RPS6KA6: variants seen among roughly 807,000 people sequenced by gnomAD.
RPS6KA6 encodes the protein ribosomal protein S6 kinase alpha-6.
In RPS6KA6, 27 loss-of-function variants were observed where a neutral mutation model predicts 65.4. The ratio of observed to expected loss-of-function variants is 0.41; its 90% CI spans 0.30 to 0.57. RPS6KA6 has a LOEUF of 0.57. Ranked by LOEUF, RPS6KA6 falls within the 20% of genes least tolerant of loss-of-function variation. The pLI, the probability that RPS6KA6 is intolerant of heterozygous loss-of-function variation, is 0.24. For synonymous variants in RPS6KA6, 190 were observed against 184.2 expected (o/e 1.03, Z -0.26); for missense variants, 486 against 555.6 (o/e 0.87, Z 1.26).
intron 18 of RPS6KA6, among the ~76,000 whole-genome samples, chrX:84,100,828 T>C (rs755538273): frequency 1.8e-5 from 2 of 111,163 alleles, no homozygotes; most frequent in African/African-American, 6.5e-5. Flanking sequence ...TCCGGATACA[T>C]ACATAATTTC....
chrX:84,159,891 A>G (rs983550425), intron 2 of RPS6KA6, among the ~76,000 whole-genome samples: 9 of 110,567 alleles, frequency 8.1e-5, no homozygotes, highest in Non-Finnish European at 1.5e-4. Context: ...GTAAAGGCAC[A>G]AGGAGAAGAC....
chrX:84,128,921 C>G (rs6622925), intron 8 of RPS6KA6, among the ~76,000 whole-genome samples: 6,918 of 111,530 alleles, frequency 0.062, 229 homozygotes, highest in East Asian at 0.2. Flanking sequence ...AACTTGCCAG[C>G]ATATTGGACT....
intron 8 of RPS6KA6, among the ~76,000 whole-genome samples, chrX:84,120,291 T>C (rs913780740): frequency 9.1e-6 from 1 of 110,461 alleles, no homozygotes; most frequent in Non-Finnish European, 1.9e-5. Context: ...GTGCAAAAAA[T>C]GTGAGGGAAC....
intron 20 of RPS6KA6, among the ~76,000 whole-genome samples, chrX:84,090,223 C>A (rs919021623): frequency 8.9e-6 from 1 of 111,791 alleles, no homozygotes; most frequent in East Asian, 2.8e-4. Context: ...TTCAGCAACA[C>A]CTGCTCTGAT....
chrX:84,102,933 C>T (rs1015810097), intron 17 of RPS6KA6, among the ~76,000 whole-genome samples: 1 of 110,525 alleles, frequency 9.0e-6, no homozygotes, highest in Admixed American at 9.7e-5. Context: ...ATCCTTGTAT[C>T]AAAAATGTGT....
chrX:84,069,703 TAAAC>T (rs1445537080), intron 20 of RPS6KA6, among the ~76,000 whole-genome samples: 4 of 111,142 alleles, frequency 3.6e-5, no homozygotes, highest in Non-Finnish European at 7.6e-5. Flanking sequence ...ACAAGAAACT[TAAAC>T]AAATTTAGAA....
chrX:84,105,365 T>C (rs1461455336), intron 16 of RPS6KA6, among the ~76,000 whole-genome samples: 1 of 111,357 alleles, frequency 9.0e-6, no homozygotes, highest in Non-Finnish European at 1.9e-5. Context: ...TACAAAACTA[T>C]AGACTAAGAC....
intron 8 of RPS6KA6, among the ~76,000 whole-genome samples, chrX:84,124,628 A>C (rs1174166579): frequency 9.0e-6 from 1 of 110,647 alleles, no homozygotes; most frequent in Non-Finnish European, 1.9e-5. Context: ...AAAATTAAAA[A>C]AAAAAAAGAA....
intron 20 of RPS6KA6, among the ~76,000 whole-genome samples, chrX:84,091,808 T>C (rs764519024): frequency 1.2e-4 from 13 of 111,841 alleles, no homozygotes; most frequent in Non-Finnish European, 2.4e-4. Flanking sequence ...CCATCAATGA[T>C]AGACTAAAGA....
intron 20 of RPS6KA6, among the ~76,000 whole-genome samples, chrX:84,066,405 A>G (rs1368037822): frequency 1.9e-5 from 2 of 106,914 alleles, no homozygotes; most frequent in Non-Finnish European, 3.9e-5. Context: ...TCAAACTGCG[A>G]CAACTGAACT....
intron 20 of RPS6KA6, among the ~76,000 whole-genome samples, chrX:84,066,978 G>T (rs2033418565): frequency 8.9e-6 from 1 of 111,766 alleles, no homozygotes; most frequent in Admixed American, 9.5e-5. Flanking sequence ...ATACCAAGGT[G>T]AACAGGGGCT....
At chrX:84,122,905 C>T (rs1198339325) in intron 8 of RPS6KA6, among the ~76,000 whole-genome samples, 1 of 111,479 alleles carries the variant, frequency 9.0e-6, no homozygotes, top group Non-Finnish European at 1.9e-5. Context: ...TTCCCCCAAC[C>T]CCAGACAGCA....
chrX:84,179,209 T>C (rs2035812225), intron 1 of RPS6KA6, among the ~76,000 whole-genome samples: 1 of 110,859 alleles, frequency 9.0e-6, no homozygotes, highest in African/African-American at 3.3e-5. Flanking sequence ...AAATCACAAT[T>C]AGATACCCCT....
intron 8 of RPS6KA6, among the ~76,000 whole-genome samples, chrX:84,123,042 T>A (rs1175294592): frequency 9.0e-6 from 1 of 111,730 alleles, no homozygotes; most frequent in Non-Finnish European, 1.9e-5. Context: ...AGTTGTGAGG[T>A]TCCCATTCCA....
At chrX:84,133,387 ATAAAT>A (rs1005488022) in intron 8 of RPS6KA6, among the ~76,000 whole-genome samples, 2 of 112,018 alleles carry the variant, frequency 1.8e-5, no homozygotes, top group African/African-American at 6.5e-5. Context: ...TGCAAGGAAA[ATAAAT>A]TGAATTGTTA....
intron 8 of RPS6KA6, among the ~76,000 whole-genome samples, chrX:84,127,435 T>C (rs2034816316): frequency 1.8e-5 from 2 of 110,886 alleles, no homozygotes; most frequent in South Asian, 3.8e-4. Context: ...TTCCAAAAAA[T>C]AGAGCAGGAG....
rs2033275862 is a variant in RPS6KA6, at chrX:84,059,991, TTTCTC to T, written c.*4281_*4285del. The T allele has an allele frequency of 8.9e-6, 1 of 111,939 alleles. No homozygotes were observed. The highest frequency in any genetic ancestry group is 1.9e-5 in the Non-Finnish European group (1 of 53,166). 9.2% of individuals were successfully genotyped at this position (111,939 alleles called of 1,213,427 possible). ...TTAATATATTCAAGTATAGTTCCCTTTTCTCTTATGTATTAGCAACCAAACTGAAT... is the reference window on the plus strand; with the variant it reads ...TTAATATATTCAAGTATAGTTCCCTTTTATGTATTAGCAACCAAACTGAAT... On this transcript the variant is annotated 3_prime_UTR_variant, in exon 22 of 22. Coordinates refer to ENST00000262752, the MANE Select transcript of RPS6KA6 (RefSeq NM_014496.5).
chrX:84,185,996 T>C, intron 1 of RPS6KA6: 1 of 502,168 alleles, frequency 2.0e-6, no homozygotes, highest in African/African-American at 2.3e-5. Context: ...ACTTGCAGGG[T>C]TAAATCTAAC....
intron 6 of RPS6KA6, among the ~76,000 whole-genome samples, chrX:84,142,807 C>G (rs1602453396): frequency 9.0e-6 from 1 of 110,977 alleles, no homozygotes; most frequent in Non-Finnish European, 1.9e-5. Flanking sequence ...AATAAATAAC[C>G]CAAGTCTATT....
Sources: gnomAD v4.1 joint callset for allele counts (sites outside exome capture counted in the v4.1 genomes callset) on GRCh38, gnomAD v4.1.1 for gene constraint, MANE v1.5 for transcripts, NCBI Gene and HGNC (gene_info 2026-07-23, HGNC 2026-07-21) for gene names.